RGS22: variants seen among roughly 807,000 people sequenced by gnomAD.
RGS22 encodes regulator of G-protein signaling 22.
Under a neutral mutation model 172.9 loss-of-function variants are expected in RGS22, and 148 were observed. The observed-to-expected ratio is 0.86, with a 90% confidence interval of 0.75 to 0.98. The LOEUF is 0.98. Among genes scored for constraint, RGS22 ranks in the 50% least tolerant of loss-of-function variants. RGS22 has a pLI of 0.00. For synonymous variants in RGS22, 458 were observed against 480.2 expected (o/e 0.95, Z 0.60); for missense variants, 1,347 against 1,440.8 (o/e 0.93, Z 1.05).
Position 100,093,437 on chromosome 8 carries a change from A to C in RGS22, c.117+10T>G. On this transcript the variant is annotated intron_variant, in intron 3 of 27. Transcript: ENST00000360863. ...AATATATATTCAATAGATCATAATA[A>C]TAAACTCACTGGAAGGCTTAGGAAT... is the stretch of plus-strand genomic sequence containing the variant. 6.5e-7 allele frequency: 1 copy of C among 1,532,744 alleles called. No individual in the cohort carries two copies. The highest frequency in any genetic ancestry group is 1.2e-5 in the South Asian group (1 of 86,110). The allele number at this position is 1,532,744 out of a possible 1,614,324, so 94.9% of individuals were successfully genotyped here. A position where few individuals can be genotyped will look rare whatever the true frequency, so the allele number is the denominator to read the frequency against.
At chr8:100,101,975 A>G (rs1192708411) in intron 2 of RGS22, among the ~76,000 whole-genome samples, 1 of 152,190 alleles carries the variant, frequency 6.6e-6, no homozygotes, top group African/African-American at 2.4e-5. Context: ...GGCTTCCCAA[A>G]TATCAGGGAC....
intron 14 of RGS22, among the ~76,000 whole-genome samples, chr8:100,020,356 A>C (rs1229165567): frequency 6.6e-6 from 1 of 152,228 alleles, no homozygotes; most frequent in Non-Finnish European, 1.5e-5. Flanking sequence ...TGGCTACTGA[A>C]ATATACAAAG....
At chr8:100,052,268 T>C (rs1321772034) in intron 10 of RGS22, among the ~76,000 whole-genome samples, 1 of 140,624 alleles carries the variant, frequency 7.1e-6, no homozygotes, top group African/African-American at 2.6e-5. Context: ...TATATAAATG[T>C]ATATATATAT....
rs1397528231 is a variant in RGS22, at chr8:100,001,221, C to CATATAT, written c.2790+975_2790+980dup. Among the ~76,000 whole-genome samples, 435 of 84,550 alleles carry CATATAT rather than the reference C, an allele frequency of 5.1e-3. 2 individuals carry two copies. Among genetic ancestry groups the CATATAT allele is most frequent in the South Asian group, 7.0e-3 (21 of 3,014 alleles). 55.5% of individuals were successfully genotyped at this position (84,550 alleles called of 152,430 possible). A position where few individuals can be genotyped will look rare whatever the true frequency, so the allele number is the denominator to read the frequency against. ...AATTTTTTATATATATATATATATA[C>CATATAT]ATATATATATATACATTTTTTTTTT... On this transcript the variant is annotated intron_variant, in intron 18 of 27. Transcript: ENST00000360863.
chr8:100,085,169 A>G (rs1160379091), intron 3 of RGS22, among the ~76,000 whole-genome samples: 1 of 152,178 alleles, frequency 6.6e-6, no homozygotes, highest in African/African-American at 2.4e-5. Flanking sequence ...TCCATGATGG[A>G]CGTTCCAGGA....
intron 14 of RGS22, among the ~76,000 whole-genome samples, chr8:100,034,092 A>G (rs1019037908): frequency 3.9e-5 from 6 of 152,178 alleles, no homozygotes; most frequent in Non-Finnish European, 8.8e-5. Flanking sequence ...CCTATTCAAC[A>G]TAGTGTTGGA....
chr8:100,025,037 T>TA (rs1818029750), intron 14 of RGS22, among the ~76,000 whole-genome samples: 1 of 151,776 alleles, frequency 6.6e-6, no homozygotes, highest in Admixed American at 6.6e-5. Flanking sequence ...AATAAATAAA[T>TA]GAGGATCTTT....
At chr8:100,035,839 T>C (rs1458879721) in intron 14 of RGS22, among the ~76,000 whole-genome samples, 1 of 152,154 alleles carries the variant, frequency 6.6e-6, no homozygotes, top group African/African-American at 2.4e-5. Flanking sequence ...ACCATCATTC[T>C]CAGCAAACTA....
chr8:100,069,411 G>T (rs577852309), intron 6 of RGS22, among the ~76,000 whole-genome samples: 1 of 152,188 alleles, frequency 6.6e-6, no homozygotes, highest in Non-Finnish European at 1.5e-5. Context: ...CCAGAGATAA[G>T]ATCTAACAAT....
At chr8:100,038,423 T>C (rs1370127272) in intron 14 of RGS22, 1 of 152,166 alleles carries the variant, frequency 6.6e-6, no homozygotes, top group Non-Finnish European at 1.5e-5. Context: ...TCCTATGACA[T>C]GTAGAACAGA....
At chr8:100,006,736 G>T (rs563525373) in intron 15 of RGS22, among the ~76,000 whole-genome samples, 90 of 152,180 alleles carry the variant, frequency 5.9e-4, no homozygotes, top group Middle Eastern at 3.4e-3. Flanking sequence ...TATTCTTTTT[G>T]GGAAAGAGTC....
chr8:99,991,205 TCTC>T (rs1813680735), intron 20 of RGS22, among the ~76,000 whole-genome samples: 1 of 152,146 alleles, frequency 6.6e-6, no homozygotes, highest in Non-Finnish European at 1.5e-5. Flanking sequence ...CAGCACCTCT[TCTC>T]CTCCAAAGGA....
chr8:100,082,938 C>T (rs1209160209), intron 3 of RGS22, among the ~76,000 whole-genome samples: 3 of 151,944 alleles, frequency 2.0e-5, no homozygotes, highest in Non-Finnish European at 4.4e-5. Context: ...CAAGAATAGC[C>T]GTAGTTGGAA....
In RGS22 at chr8:100,105,877, C is replaced by T. The variant is rs1234076649; in HGVS notation, c.25+20G>A. Reference sequence around the variant, plus strand: ...CGACGCCGCGGGCTGATCCTCTGTCCCTGTGGGGCCGCCACCTACCCGCGG... The same window carrying T: ...CGACGCCGCGGGCTGATCCTCTGTCTCTGTGGGGCCGCCACCTACCCGCGG... On this transcript the variant is annotated intron_variant, in intron 1 of 27. Transcript: ENST00000360863. 2 of 1,504,696 alleles carry T rather than the reference C, an allele frequency of 1.3e-6. No individual in the cohort carries two copies. Among genetic ancestry groups the T allele is most frequent in the Non-Finnish European group, 1.8e-6 (2 of 1,127,828 alleles). 93.2% of individuals were successfully genotyped at this position (1,504,696 alleles called of 1,614,324 possible).
intron 9 of RGS22, among the ~76,000 whole-genome samples, chr8:100,061,845 T>C (rs547060656): frequency 2.6e-5 from 4 of 152,094 alleles, no homozygotes; most frequent in Non-Finnish European, 4.4e-5. Flanking sequence ...GACACATGCA[T>C]GTGTATGTTC....
chr8:99,981,569 A>G (rs930030473), intron 22 of RGS22, among the ~76,000 whole-genome samples: 1 of 152,170 alleles, frequency 6.6e-6, no homozygotes, highest in Non-Finnish European at 1.5e-5. Context: ...CATTTAAGTT[A>G]CTAGCTTTTT....
At chr8:99,967,613 TG>T (rs1280390386) in intron 23 of RGS22, among the ~76,000 whole-genome samples, 2 of 152,134 alleles carry the variant, frequency 1.3e-5, no homozygotes, top group Admixed American at 6.5e-5. Flanking sequence ...AGTAAACCGC[TG>T]GGAAGTTTGA....
At chr8:100,013,400 C>A (rs556539140) in intron 14 of RGS22, among the ~76,000 whole-genome samples, 21 of 152,102 alleles carry the variant, frequency 1.4e-4, no homozygotes, top group African/African-American at 4.8e-4. Context: ...TGGTGGATGC[C>A]TACATCTATT....
At chr8:100,026,961 G>A (rs1375087078) in intron 14 of RGS22, among the ~76,000 whole-genome samples, 1 of 152,200 alleles carries the variant, frequency 6.6e-6, no homozygotes, top group African/African-American at 2.4e-5. Context: ...CGGGCATGGT[G>A]GCTCATGCCT....
Sources: gnomAD v4.1 joint callset for allele counts (sites outside exome capture counted in the v4.1 genomes callset) on GRCh38, gnomAD v4.1.1 for gene constraint, MANE v1.5 for transcripts, NCBI Gene and HGNC (gene_info 2026-07-23, HGNC 2026-07-21) for gene names.